Variants in KIAA1210 observed in about 807,000 individuals in gnomAD.
KIAA1210 encodes acrosomal protein KIAA1210.
A neutral mutation model predicts 78.9 loss-of-function variants in KIAA1210; 48 were observed. The ratio of observed to expected loss-of-function variants is 0.61; its 90% CI spans 0.48 to 0.77. The LOEUF (loss-of-function observed/expected upper bound fraction) is 0.77. Ranked by LOEUF, KIAA1210 falls within the 30% of genes least tolerant of loss-of-function variation. KIAA1210 has a pLI of 0.00. For missense variants in KIAA1210, 1,108 were observed against 1,100.0 expected (o/e 1.01, Z -0.10); for synonymous variants, 406 against 404.5 (o/e 1.00, Z -0.04).
chrX:119,093,684 A>T lies in KIAA1210; in HGVS notation c.938T>A (p.Leu313Gln). The change falls in exon 8 of 12, where the codon CTG (leucine) becomes CAG (glutamine). Residue 313 changes from leucine to glutamine, a missense_variant. Leu to Gln is a moderately radical substitution (Grantham distance 113). This residue lies in a region of KIAA1210 where 672 missense variants were observed against 607.1 expected (regional missense o/e 1.11). Coordinates refer to ENST00000691062, the MANE Select transcript of KIAA1210 (RefSeq NM_001394962.1). ...TKPKEINEKK[L>Q]GMDSADSSSQ... ...ATGCTAACCTGCACTGTCCATTCCC[A>T]GCTTCTTTTCGTTGATTTCTTTTGG... 1 of 1,206,719 alleles carries T rather than the reference A, an allele frequency of 8.3e-7. No individual in the cohort carries two copies. Among genetic ancestry groups the T allele is most frequent in the Non-Finnish European group, 1.1e-6 (1 of 892,040 alleles).
chrX:119,127,182 C>T (rs1490915886), intron 1 of KIAA1210, among the ~76,000 whole-genome samples: 2 of 110,629 alleles, frequency 1.8e-5, no homozygotes, highest in Non-Finnish European at 3.8e-5. Context: ...AGCAGCACCC[C>T]CACCCCTGCC....
At chrX:119,107,095 T>C (rs1242425102) in intron 5 of KIAA1210, among the ~76,000 whole-genome samples, 1 of 112,234 alleles carries the variant, frequency 8.9e-6, no homozygotes, top group Non-Finnish European at 1.9e-5. Context: ...ACTTAGGTCC[T>C]ATTAATACCC....
At chrX:119,103,949 C>T (rs907605343) in intron 6 of KIAA1210, among the ~76,000 whole-genome samples, 3 of 111,668 alleles carry the variant, frequency 2.7e-5, no homozygotes, top group Admixed American at 1.9e-4. Flanking sequence ...ATGGGAGATA[C>T]GAATGGTGAA....
rs1927227313 is a variant in KIAA1210 at position 119,088,225 on chromosome X, C to T, written c.2477G>A (p.Gly826Asp). ...NPKVQQNMFSGSEDIAVERVI... is the reference protein window; with the variant it reads ...NPKVQQNMFSDSEDIAVERVI... Reference sequence around the variant, plus strand: ...TCTCTCAACAGCAATGTCCTCTGAACCTGAGAACATGTTTTGTTGAACTTT... The same window carrying T: ...TCTCTCAACAGCAATGTCCTCTGAATCTGAGAACATGTTTTGTTGAACTTT... Residue 826 changes from glycine (G) to aspartate (D), a missense_variant, in exon 9 of 12, where the codon GGT becomes GAT. Gly to Asp is a moderately conservative substitution (Grantham distance 94). Coordinates refer to ENST00000691062, the MANE Select transcript of KIAA1210 (RefSeq NM_001394962.1). 4.1e-6 allele frequency: 5 copies of T among 1,209,197 alleles called. No homozygotes were observed. Among genetic ancestry groups the T allele is most frequent in the South Asian group, 3.5e-5 (2 of 56,708 alleles).
intron 2 of KIAA1210, among the ~76,000 whole-genome samples, chrX:119,140,531 TAA>T (rs5903548): frequency 0.03 from 1,876 of 62,653 alleles, 65 homozygotes; most frequent in African/African-American, 0.1. Context: ...GACTCTTTCT[TAA>T]AAAAAAAAAA....
rs761784920 is a variant in KIAA1210, at chrX:119,086,547, T to C, written c.4155A>G (p.Pro1385=). ...CATCTGGAGAGATAAAAGCCTTACC[T>C]GGGGTCTTGCAAGCAGGTTGCTTCT... ...MAKKQPACKT[P]GKPAGQQSDY... Residue 1385 remains proline, a splice_region_variant and synonymous_variant, in exon 9 of 12, where the codon CCA becomes CCG. Coordinates refer to ENST00000691062, the MANE Select transcript of KIAA1210 (RefSeq NM_001394962.1). 1.7e-6 allele frequency: 2 copies of C among 1,197,446 alleles called. No individual in the cohort carries two copies. Among genetic ancestry groups the C allele is most frequent in the Non-Finnish European group, 2.2e-6 (2 of 889,517 alleles).
At chrX:119,147,593 C>G (rs768226142) in exon 2 of KIAA1210, 5 of 1,209,918 alleles carry the variant, frequency 4.1e-6, no homozygotes, top group South Asian at 3.5e-5. Context: ...GCATCCAGGT[C>G]CTGTTGAAAT....
At chrX:119,150,216 G>A (rs1293315554) in intron 1 of KIAA1210, 1 of 1,029,772 alleles carries the variant, frequency 9.7e-7, no homozygotes, top group African/African-American at 1.9e-5. Context: ...CCCTTGTGCA[G>A]CTCTCCCTTC....
In KIAA1210 at chrX:119,081,117, A is replaced by T. The variant is rs1007074466; in HGVS notation, c.*212T>A. 2.2e-5 allele frequency: 6 copies of T among 274,881 alleles called. No individual in the cohort carries two copies. The highest frequency in any genetic ancestry group is 3.1e-5 in the Non-Finnish European group (5 of 159,708). The allele number at this position is 274,881 out of a possible 1,213,427, so 22.7% of individuals were successfully genotyped here. ...TCTCTACTAAAAATACGAAAACAAA[A>T]TTAGCCGGGCGTGATGGCGGGCGCC... is the stretch of plus-strand genomic sequence containing the variant. On this transcript the variant is annotated 3_prime_UTR_variant, in exon 12 of 12. Coordinates refer to ENST00000691062, the MANE Select transcript of KIAA1210 (RefSeq NM_001394962.1).
At chrX:119,117,373 G>GTC (rs1412478486) in intron 2 of KIAA1210, among the ~76,000 whole-genome samples, 41 of 107,580 alleles carry the variant, frequency 3.8e-4, no homozygotes, top group African/African-American at 1.4e-3. Flanking sequence ...CAAGGAGTGT[G>GTC]TGTGTGTGTG....
chrX:119,132,170 C>G (rs965974772), upstream of KIAA1210, among the ~76,000 whole-genome samples: 1 of 112,269 alleles, frequency 8.9e-6, no homozygotes, highest in East Asian at 2.8e-4. Context: ...TCAGAGGAGA[C>G]CTCAGCCCTG....
chrX:119,095,398 CT>C (rs34997327), intron 7 of KIAA1210, among the ~76,000 whole-genome samples: 1,384 of 107,216 alleles, frequency 0.013, 23 homozygotes, highest in African/African-American at 0.041. Flanking sequence ...CATTTTTTAA[CT>C]TTTTTTTTTT....
Position 119,117,668 on chromosome X carries a change from A to C in KIAA1210, c.62-1004T>G, listed in dbSNP as rs376782805. ...ACTGCAACTTCCACCTCCTGGGCTC[A>C]AGCCATCCTCGCACCTTGCACCTTG... On this transcript the variant is annotated intron_variant, in intron 2 of 11. Coordinates refer to ENST00000691062, the MANE Select transcript of KIAA1210 (RefSeq NM_001394962.1). Among the ~76,000 whole-genome samples the C allele has an allele frequency of 4.1e-4, 44 of 107,115 alleles. No homozygotes were observed. The South Asian group carries it at 7.7e-3, about 19-fold the overall frequency. The allele number at this position is 107,115 out of a possible 115,157, so 93.0% of individuals were successfully genotyped here. A position where few individuals can be genotyped will look rare whatever the true frequency, so the allele number is the denominator to read the frequency against.
intron 11 of KIAA1210, among the ~76,000 whole-genome samples, chrX:119,082,427 A>G (rs180810354): frequency 9.0e-6 from 1 of 110,732 alleles, no homozygotes; most frequent in African/African-American, 3.3e-5. Flanking sequence ...TCCATCATCC[A>G]CTCCCCTGCT....
At chrX:119,150,642 T>G (rs1346957296), upstream of KIAA1210, 2 of 1,099,100 alleles carry the variant, frequency 1.8e-6, no homozygotes, top group African/African-American at 3.7e-5. Context: ...GAAGCTGGGT[T>G]GAGGACTCTC....
intron 7 of KIAA1210, chrX:119,094,056 A>G: frequency 8.3e-7 from 1 of 1,208,597 alleles, no homozygotes; most frequent in South Asian, 1.8e-5. Context: ...TCCCTCTAAA[A>G]TACCCTGGAA....
chrX:119,089,380 A>G lies in KIAA1210; in HGVS notation c.1322T>C (p.Met441Thr). ...PQGLLSDKDD[M>T]GRRNAGIDFG... The stretch of plus-strand genomic sequence containing the variant: ...ATCTATGCCAGCATTTCTCCTTCCC[A>G]TGTCATCTTTATCTGAAAGCAACCC... The change falls in exon 9 of 12, where the codon ATG (methionine) becomes ACG (threonine). Residue 441 changes from methionine to threonine, a missense_variant. Around this residue, in one of 5 missense-constraint regions of KIAA1210, gnomAD observed 672 missense variants for 607.1 expected, o/e 1.11. Transcript: ENST00000691062. 8.3e-7 allele frequency: 1 copy of G among 1,211,305 alleles called. No homozygotes were observed. Among genetic ancestry groups the G allele is most frequent in the Non-Finnish European group, 1.1e-6 (1 of 895,349 alleles).
At chrX:119,083,893 C>G (rs1427336171) in intron 10 of KIAA1210, among the ~76,000 whole-genome samples, 1 of 95,902 alleles carries the variant, frequency 1.0e-5, no homozygotes, top group African/African-American at 3.9e-5. Flanking sequence ...GCTACTATGG[C>G]GGGGATGAAG....
chrX:119,119,975 CAAAA>C (rs11342308), intron 2 of KIAA1210, among the ~76,000 whole-genome samples: 7 of 35,777 alleles, frequency 2.0e-4, no homozygotes, highest in African/African-American at 4.7e-4. Flanking sequence ...GACTCCATCT[CAAAA>C]AAAAAAAAAA....
Sources: gnomAD v4.1 joint callset for allele counts (sites outside exome capture counted in the v4.1 genomes callset) on GRCh38, gnomAD v4.1.1 for gene constraint, gnomAD v4.1.1 regional missense constraint, MANE v1.5 for transcripts, NCBI Gene and HGNC (gene_info 2026-07-23, HGNC 2026-07-21) for gene names.